Variants in CFAP54 observed in about 807,000 individuals in gnomAD.
CFAP54 encodes the protein cilia and flagella associated protein 54.
Under a neutral mutation model 370.4 loss-of-function variants are expected in CFAP54, and 290 were observed. That is an observed-to-expected ratio of 0.78 (90% CI 0.71 to 0.86). The LOEUF (loss-of-function observed/expected upper bound fraction) is 0.86, where lower values mean the gene tolerates loss of function less well. Among genes scored for constraint, CFAP54 ranks in the 40% least tolerant of loss-of-function variants. The pLI, the probability that CFAP54 is intolerant of heterozygous loss-of-function variation, is 0.00. For synonymous variants in CFAP54, 1,206 were observed against 1,236.5 expected, an observed-to-expected ratio of 0.98 and a Z score of 0.52; for missense variants, 3,399 against 3,528.7, an observed-to-expected ratio of 0.96 and a Z score of 0.93.
chr12:96,510,080 C>G (rs955457488), intron 4 of CFAP54, among the ~76,000 whole-genome samples: 12 of 151,292 alleles, frequency 7.9e-5, no homozygotes, highest in African/African-American at 2.9e-4. Context: ...TAGTGAAACC[C>G]CATCTCTACT....
intron 38 of CFAP54, among the ~76,000 whole-genome samples, chr12:96,658,932 G>A (rs1956956882): frequency 6.6e-6 from 1 of 152,154 alleles, no homozygotes; most frequent in Non-Finnish European, 1.5e-5. Context: ...CTCCCACTGT[G>A]CCCTCACAAC....
At chr12:96,675,832 G>C (rs879778748) in intron 39 of CFAP54, among the ~76,000 whole-genome samples, 2 of 151,288 alleles carry the variant, frequency 1.3e-5, no homozygotes, top group East Asian at 1.9e-4. Flanking sequence ...GCAAACTATC[G>C]CAAGGACAAA....
chr12:96,826,910 A>AT, intron 65 of CFAP54, among the ~76,000 whole-genome samples: 1 of 128,034 alleles, frequency 7.8e-6, no homozygotes, highest in Non-Finnish European at 1.6e-5. Context: ...TTATATATGC[A>AT]ATTATATATG....
intron 65 of CFAP54, among the ~76,000 whole-genome samples, chr12:96,822,293 T>G (rs982798591): frequency 1.3e-5 from 2 of 152,180 alleles, no homozygotes; most frequent in Non-Finnish European, 2.9e-5. Context: ...TTATTTGGAA[T>G]GATAGCATAC....
chr12:96,547,342 A>G (rs1437339646), intron 14 of CFAP54, among the ~76,000 whole-genome samples: 1 of 152,064 alleles, frequency 6.6e-6, no homozygotes, highest in Non-Finnish European at 1.5e-5. Flanking sequence ...ACGCGCCACC[A>G]TGCCTGGCTA....
chr12:96,527,336 T>C lies in CFAP54; in HGVS notation c.1249T>C (p.Ser417Pro). The change falls in exon 9 of 68, where the codon TCT (serine) becomes CCT (proline). Residue 417 changes from serine (S) to proline (P), a missense_variant. This residue lies in a region of CFAP54 where 559 missense variants were observed against 576.7 expected (regional missense o/e 0.97). Coordinates refer to ENST00000524981, the MANE Select transcript of CFAP54 (RefSeq NM_001306084.2). Reference sequence around the variant, plus strand: ...GTTTCTGGCTGTCTTGGAAGCTCTTTCTGATTCAAATAGGCGAATACTGCA... The same window carrying C: ...GTTTCTGGCTGTCTTGGAAGCTCTTCCTGATTCAAATAGGCGAATACTGCA... Reference protein sequence around the residue: ...SQFLAVLEALSDSNRRILQTG... With the variant: ...SQFLAVLEALPDSNRRILQTG... 1 of 1,536,078 alleles carries C rather than the reference T, an allele frequency of 6.5e-7. No individual in the cohort carries two copies. The highest frequency in any genetic ancestry group is 1.2e-5 in the South Asian group (1 of 84,020).
At chr12:96,828,085 A>G (rs1959148517) in intron 65 of CFAP54, among the ~76,000 whole-genome samples, 1 of 134,050 alleles carries the variant, frequency 7.5e-6, no homozygotes, top group Non-Finnish European at 1.5e-5. Context: ...TATATTATAT[A>G]TATTATCAGA....
chr12:96,803,351 A>T (rs1958842747), intron 63 of CFAP54, among the ~76,000 whole-genome samples: 1 of 151,908 alleles, frequency 6.6e-6, no homozygotes, highest in Non-Finnish European at 1.5e-5. Context: ...CTTTTTGATG[A>T]TCACCATTCT....
chr12:96,643,362 T>C (rs1042419254), intron 32 of CFAP54, among the ~76,000 whole-genome samples: 4 of 146,050 alleles, frequency 2.7e-5, no homozygotes, highest in Non-Finnish European at 6.0e-5. Flanking sequence ...CCTGCCTTCT[T>C]CCTATCCATC....
chr12:96,593,428 T>C (rs1403492123), intron 24 of CFAP54, among the ~76,000 whole-genome samples: 2 of 152,110 alleles, frequency 1.3e-5, no homozygotes, highest in African/African-American at 4.8e-5. Context: ...TGCCAGTTTC[T>C]GGGGATATAA....
chr12:96,722,104 C>T (rs1957762182), intron 50 of CFAP54, among the ~76,000 whole-genome samples: 1 of 152,172 alleles, frequency 6.6e-6, no homozygotes. Flanking sequence ...AGTCCTGGCC[C>T]ATGTGCAGGA....
chr12:96,553,682 T>C (rs1955722213), intron 15 of CFAP54, among the ~76,000 whole-genome samples: 1 of 151,568 alleles, frequency 6.6e-6, no homozygotes, highest in Non-Finnish European at 1.5e-5. Context: ...CATTATTCTC[T>C]ATATTTGTCT....
chr12:96,874,322 C>T (rs372404700), intron 67 of CFAP54, among the ~76,000 whole-genome samples: 66 of 152,068 alleles, frequency 4.3e-4, no homozygotes, highest in African/African-American at 1.4e-3. Flanking sequence ...GACAAAATTC[C>T]AACAAAGTTA....
In CFAP54 at chr12:96,621,703, A is replaced by C; in HGVS notation, c.3753A>C (p.Gln1251His). The C allele has an allele frequency of 6.6e-7, 1 of 1,524,470 alleles. No homozygotes were observed. The highest frequency in any genetic ancestry group is 8.8e-7 in the Non-Finnish European group (1 of 1,141,176). 94.4% of individuals were successfully genotyped at this position (1,524,470 alleles called of 1,614,324 possible). A position where few individuals can be genotyped will look rare whatever the true frequency, so the allele number is the denominator to read the frequency against. ...CTCTGTTTGATGGTAGTAATGAACA[A>C]GAAGAAATGCCAGAGGAGGTAATTG... ...CKSLFDGSNEQEEMPEEDSSK... is the reference protein window; with the variant it reads ...CKSLFDGSNEHEEMPEEDSSK... The change falls in exon 27 of 68, where the codon CAA becomes CAC. Residue 1251 changes from glutamine (Q) to histidine (H), a missense_variant. Gln to His is a conservative substitution (Grantham distance 24, BLOSUM62 0). Around this residue, in one of 3 missense-constraint regions of CFAP54, gnomAD observed 2,796 missense variants for 2,869.7 expected, o/e 0.97. Coordinates refer to ENST00000524981, the MANE Select transcript of CFAP54 (RefSeq NM_001306084.2).
At chr12:96,511,595 G>A (rs571172653) in intron 4 of CFAP54, among the ~76,000 whole-genome samples, 1 of 152,078 alleles carries the variant, frequency 6.6e-6, no homozygotes, top group African/African-American at 2.4e-5. Flanking sequence ...TGGGATTACA[G>A]GTGTGAGACA....
At chr12:96,535,006 T>TTC (rs1309732693) in intron 11 of CFAP54, among the ~76,000 whole-genome samples, 2 of 129,228 alleles carry the variant, frequency 1.5e-5, no homozygotes, top group Non-Finnish European at 3.2e-5. Context: ...TAGTTTTCTT[T>TTC]TCTGTGTGTG....
intron 3 of CFAP54, among the ~76,000 whole-genome samples, chr12:96,504,455 C>A (rs1408196578): frequency 6.6e-6 from 1 of 152,118 alleles, no homozygotes. Flanking sequence ...TACTTTATTT[C>A]TAGTATACCA....
intron 17 of CFAP54, among the ~76,000 whole-genome samples, chr12:96,564,203 AG>A (rs887517182): frequency 4.6e-5 from 7 of 152,218 alleles, no homozygotes; most frequent in African/African-American, 1.7e-4. Context: ...ATCAATCCTC[AG>A]GATGACTTTA....
intron 55 of CFAP54, among the ~76,000 whole-genome samples, chr12:96,744,502 C>G (rs751717394): frequency 7.4e-4 from 112 of 152,182 alleles, no homozygotes; most frequent in South Asian, 4.2e-3. Context: ...AAAAATCCTA[C>G]AAACACAAAA....
Sources: allele counts gnomAD v4.1 joint callset (sites outside exome capture counted in the v4.1 genomes callset), GRCh38; gene constraint gnomAD v4.1.1; regional missense constraint gnomAD v4.1.1; transcripts MANE v1.5; gene names NCBI Gene and HGNC (gene_info 2026-07-23, HGNC 2026-07-21).